The following IL1RAPL2 variants were observed in gnomAD, a reference collection of about 807,000 sequenced individuals.
The protein encoded by IL1RAPL2 is interleukin 1 receptor accessory protein like 2.
IL1RAPL2 carries 3 observed loss-of-function variants against 44.1 expected under a neutral mutation model. The ratio of observed to expected loss-of-function variants is 0.07; its 90% CI spans 0.03 to 0.18. IL1RAPL2 has a LOEUF of 0.18. Ranked by LOEUF, IL1RAPL2 falls within the 10% of genes least tolerant of loss-of-function variation. The pLI is 1.00. For synonymous variants in IL1RAPL2, 181 were observed against 178.8 expected (o/e 1.01, Z -0.10); for missense variants, 391 against 496.4 (o/e 0.79, Z 2.02).
chrX:104,944,786 A>G (rs1358170670), intron 2 of IL1RAPL2, among the ~76,000 whole-genome samples: 1 of 111,513 alleles, frequency 9.0e-6, no homozygotes, highest in Non-Finnish European at 1.9e-5. Flanking sequence ...ATTCAGAGAA[A>G]TATTCCTCTT....
At chrX:104,765,156 G>A (rs191439996) in intron 2 of IL1RAPL2, among the ~76,000 whole-genome samples, 1 of 111,720 alleles carries the variant, frequency 9.0e-6, no homozygotes, top group African/African-American at 3.2e-5. Flanking sequence ...ATAGAATTTA[G>A]CAGTGAAGCC....
intron 6 of IL1RAPL2, among the ~76,000 whole-genome samples, chrX:105,542,850 C>T (rs1027392519): frequency 5.5e-5 from 6 of 108,347 alleles, no homozygotes; most frequent in Non-Finnish European, 1.1e-4. Flanking sequence ...AAAATAGATT[C>T]TCTTATATGC....
intron 5 of IL1RAPL2, among the ~76,000 whole-genome samples, chrX:105,427,861 C>T (rs1013434347): frequency 1.8e-5 from 2 of 111,468 alleles, no homozygotes; most frequent in African/African-American, 6.5e-5. Context: ...GATTCAGTTT[C>T]TATTGAAAGG....
At chrX:105,089,828 C>T (rs1443917781) in intron 2 of IL1RAPL2, among the ~76,000 whole-genome samples, 1 of 111,675 alleles carries the variant, frequency 9.0e-6, no homozygotes, top group Admixed American at 9.6e-5. Context: ...TAAGAGGACT[C>T]ACTCTTGTTT....
chrX:105,169,492 CTTTTTTTTT>C (rs748101220), intron 2 of IL1RAPL2, among the ~76,000 whole-genome samples: 29 of 41,561 alleles, frequency 7.0e-4, no homozygotes, highest in African/African-American at 2.2e-3. Context: ...TTCTTTCTTT[CTTTTTTTTT>C]TTTTTTTTTT....
chrX:104,887,977 G>A (rs1044544746), intron 2 of IL1RAPL2, among the ~76,000 whole-genome samples: 1 of 111,528 alleles, frequency 9.0e-6, no homozygotes, highest in Non-Finnish European at 1.9e-5. Flanking sequence ...TATACAAATA[G>A]CAAGTATGCT....
intron 2 of IL1RAPL2, among the ~76,000 whole-genome samples, chrX:105,163,178 AT>A (rs1198508957): frequency 9.0e-6 from 1 of 111,584 alleles, no homozygotes; most frequent in African/African-American, 3.3e-5. Context: ...AGAATTGAGT[AT>A]TTATGGCACA....
intron 2 of IL1RAPL2, among the ~76,000 whole-genome samples, chrX:105,015,063 C>T (rs1180303954): frequency 8.9e-6 from 1 of 111,732 alleles, no homozygotes; most frequent in African/African-American, 3.3e-5. Flanking sequence ...CCCTAATGAC[C>T]AGTGATAATG....
chrX:104,917,421 G>A lies in IL1RAPL2; in HGVS notation c.82+258426G>A, dbSNP rs189969894. Among the ~76,000 whole-genome samples, 1,001 of 112,021 alleles carry A rather than the reference G, an allele frequency of 8.9e-3. 7 individuals carry two copies. The highest frequency in any genetic ancestry group is 0.031 in the African/African-American group (943 of 30,825). On this transcript the variant is annotated intron_variant, in intron 2 of 10. Coordinates refer to ENST00000372582, the MANE Select transcript of IL1RAPL2 (RefSeq NM_017416.2). ...CAAAAGAAGATTCCTTAGGTCAAAT[G>A]TGGTCCTGGGTACAAATGAAACTAG... is the stretch of plus-strand genomic sequence containing the variant.
At chrX:104,906,155 G>A (rs1431271197) in intron 2 of IL1RAPL2, among the ~76,000 whole-genome samples, 17 of 110,976 alleles carry the variant, frequency 1.5e-4, no homozygotes, top group Admixed American at 1.3e-3. Flanking sequence ...CATTGATTTT[G>A]TATCCTGAGA....
intron 2 of IL1RAPL2, among the ~76,000 whole-genome samples, chrX:105,045,071 T>A (rs1252854282): frequency 1.8e-5 from 2 of 111,109 alleles, no homozygotes. Flanking sequence ...GAGGAGGTTT[T>A]CAATTATTCA....
In IL1RAPL2 at chrX:105,111,722, CTT is replaced by C. The variant is rs1034168393; in HGVS notation, c.83-83751_83-83750del. 8.4e-4 allele frequency among the ~76,000 whole-genome samples: 94 copies of C among 111,626 alleles called. 1 individual carries two copies. Among genetic ancestry groups the C allele is most frequent in the Admixed American group, 7.6e-3 (80 of 10,503 alleles). On this transcript the variant is annotated intron_variant, in intron 2 of 10. Transcript: ENST00000372582. ...TAATGAGTACCCTGGCGATGACAGTCTTTGGGAAAATATTTCTGACTTCTAAT... is the reference window on the plus strand; with the variant it reads ...TAATGAGTACCCTGGCGATGACAGTCTGGGAAAATATTTCTGACTTCTAAT...
intron 2 of IL1RAPL2, among the ~76,000 whole-genome samples, chrX:104,800,541 C>G (rs1268184314): frequency 8.9e-6 from 1 of 111,946 alleles, no homozygotes; most frequent in East Asian, 2.8e-4. Flanking sequence ...CAATTCATTT[C>G]CAATCTAATC....
At chrX:104,734,858 G>A (rs1318184444) in intron 2 of IL1RAPL2, among the ~76,000 whole-genome samples, 1 of 111,963 alleles carries the variant, frequency 8.9e-6, no homozygotes, top group Non-Finnish European at 1.9e-5. Flanking sequence ...TCAGAAGGTT[G>A]ATCATACATC....
intron 5 of IL1RAPL2, among the ~76,000 whole-genome samples, chrX:105,390,300 A>G (rs1260098487): frequency 9.0e-6 from 1 of 111,490 alleles, no homozygotes; most frequent in Non-Finnish European, 1.9e-5. Context: ...CCTATTGCCA[A>G]TCGAGAATCT....
At chrX:104,903,432 T>C (rs1923875838) in intron 2 of IL1RAPL2, among the ~76,000 whole-genome samples, 1 of 108,529 alleles carries the variant, frequency 9.2e-6, no homozygotes, top group African/African-American at 3.5e-5. Flanking sequence ...CATCTAGAAA[T>C]GTAAACACCA....
At chrX:105,447,107 A>ATATATATATAT (rs1491220948) in intron 5 of IL1RAPL2, among the ~76,000 whole-genome samples, 1 of 32,725 alleles carries the variant, frequency 3.1e-5, no homozygotes, top group Non-Finnish European at 4.5e-5. Flanking sequence ...ATATATATAT[A>ATATATATATAT]AAAATATATA....
At chrX:105,001,930 T>G (rs1302690733) in intron 2 of IL1RAPL2, among the ~76,000 whole-genome samples, 1 of 111,005 alleles carries the variant, frequency 9.0e-6, no homozygotes, top group African/African-American at 3.3e-5. Context: ...TGAGGGTACT[T>G]CTGAAGTGAA....
intron 6 of IL1RAPL2, among the ~76,000 whole-genome samples, chrX:105,497,497 A>G (rs906275557): frequency 1.8e-5 from 2 of 112,164 alleles, no homozygotes. Flanking sequence ...AAATTCATTA[A>G]CAATAACTAA....
Sources: gnomAD v4.1 joint callset for allele counts (sites outside exome capture counted in the v4.1 genomes callset) on GRCh38, gnomAD v4.1.1 for gene constraint, MANE v1.5 for transcripts, NCBI Gene and HGNC (gene_info 2026-07-23, HGNC 2026-07-21) for gene names.